KIRREL3: variants seen among roughly 807,000 people sequenced by gnomAD.
KIRREL3 encodes kirre like nephrin family adhesion molecule 3.
A neutral mutation model predicts 89.7 loss-of-function variants in KIRREL3; 36 were observed. That is an observed-to-expected ratio of 0.40 (90% CI 0.31 to 0.53). The LOEUF (loss-of-function observed/expected upper bound fraction) is 0.53, where lower values mean the gene tolerates loss of function less well. Ranked by LOEUF, KIRREL3 falls within the 20% of genes least tolerant of loss-of-function variation. The probability of loss-of-function intolerance (pLI) is 0.49; values close to 1 mark genes in which losing one functional copy is unlikely to be tolerated. For missense variants in KIRREL3, 864 were observed against 1,056.6 expected, an observed-to-expected ratio of 0.82 and a Z score of 2.53; for synonymous variants, 445 against 441.4, an observed-to-expected ratio of 1.01 and a Z score of -0.10.
At chr11:126,770,362 C>T (rs1348087428) in intron 1 of KIRREL3, among the ~76,000 whole-genome samples, 1 of 152,178 alleles carries the variant, frequency 6.6e-6, no homozygotes, top group Non-Finnish European at 1.5e-5. Flanking sequence ...CATCCCTGCC[C>T]GTCAGTCACT....
In KIRREL3 at chr11:126,528,080, C is replaced by T. The variant is rs367999823; in HGVS notation, c.134-1393G>A. 6.6e-5 allele frequency among the ~76,000 whole-genome samples: 10 copies of T among 152,338 alleles called. 1 individual carries two copies. Among genetic ancestry groups the T allele is most frequent in the African/African-American group, 2.2e-4 (9 of 41,566 alleles). ...AGGCACAGTAACCTGCCCAAGGTCACGCAGCTAATGAGTGTTAGAGCAGGG... is the reference window on the plus strand; with the variant it reads ...AGGCACAGTAACCTGCCCAAGGTCATGCAGCTAATGAGTGTTAGAGCAGGG... On this transcript the variant is annotated intron_variant, in intron 2 of 16. Transcript: ENST00000525144. This position sits in a 1 kb window ranked among gnomAD's most constrained non-coding sequence, Gnocchi z 4.6.
At chr11:126,951,058 T>A (rs1948760876) in intron 1 of KIRREL3, among the ~76,000 whole-genome samples, 2 of 152,220 alleles carry the variant, frequency 1.3e-5, no homozygotes, top group South Asian at 4.1e-4. Context: ...CCCAATCACA[T>A]CTTCCAAGCC....
rs145013921 is a variant in KIRREL3 at position 126,488,887 on chromosome 11, C to A, written c.434-15421G>T. 3.3e-4 allele frequency among the ~76,000 whole-genome samples: 50 copies of A among 152,358 alleles called. 1 individual carries two copies. Among genetic ancestry groups the A allele is most frequent in the African/African-American group, 1.0e-3 (43 of 41,586 alleles). ...GCCACCTTTGCAGCCTTACCCCGTG[C>A]CCGTCTCCAGCCAGGAAGACGGGAT... On this transcript the variant is annotated intron_variant, in intron 4 of 16. Transcript: ENST00000525144.
In KIRREL3 at chr11:126,475,675, G is replaced by A. The variant is rs973998760; in HGVS notation, c.434-2209C>T. ...CATGAATGGGATGGATGGAGAAGAC[G>A]ACCCCCCAGCCGCCCACCCCACACC... On this transcript the variant is annotated intron_variant, in intron 4 of 16. Coordinates refer to ENST00000525144, the MANE Select transcript of KIRREL3 (RefSeq NM_032531.4). This position sits in a 1 kb window ranked among gnomAD's most constrained non-coding sequence, Gnocchi z 7.5. Among the ~76,000 whole-genome samples, 1 of 152,136 alleles carries A rather than the reference G, an allele frequency of 6.6e-6. No homozygotes were observed. Among genetic ancestry groups the A allele is most frequent in the Non-Finnish European group, 1.5e-5 (1 of 68,028 alleles).
chr11:126,749,408 C>G (rs1231700345), intron 1 of KIRREL3, among the ~76,000 whole-genome samples: 1 of 152,146 alleles, frequency 6.6e-6, no homozygotes, highest in Admixed American at 6.6e-5. Context: ...TCAAGTTACC[C>G]CATTCCTCGG....
rs537003636 is a variant in KIRREL3 at position 126,923,522 on chromosome 11, C to A, written c.55+76933G>T. Among the ~76,000 whole-genome samples the A allele has an allele frequency of 4.0e-5, 6 of 148,268 alleles. No individual in the cohort carries two copies. The South Asian group carries it at 1.3e-3, about 32-fold the overall frequency. The stretch of plus-strand genomic sequence containing the variant: ...GCAGTGGTATGATCTCAGCTCACTG[C>A]AATCTCCACCTCCAGGGTTCAAGTG... On this transcript the variant is annotated intron_variant, in intron 1 of 16. Coordinates refer to ENST00000525144, the MANE Select transcript of KIRREL3 (RefSeq NM_032531.4).
At chr11:126,907,130 G>C (rs1946619543) in intron 1 of KIRREL3, among the ~76,000 whole-genome samples, 1 of 152,068 alleles carries the variant, frequency 6.6e-6, no homozygotes, top group Admixed American at 6.5e-5. Flanking sequence ...TTGAATTAAA[G>C]ACTTGGTTAA....
At chr11:126,583,846 C>T (rs986624341) in intron 1 of KIRREL3, among the ~76,000 whole-genome samples, 3 of 152,194 alleles carry the variant, frequency 2.0e-5, no homozygotes, top group Non-Finnish European at 4.4e-5. Flanking sequence ...TGACGGCAGG[C>T]CCGAGGCAGC....
In KIRREL3 at chr11:126,570,334, G is replaced by A. The variant is rs1940832032; in HGVS notation, c.56-7422C>T. The stretch of plus-strand genomic sequence containing the variant: ...ATTAGTTGTTTTAAACTATTGATTT[G>A]TATTTAATTAACTATGCTATTACAT... On this transcript the variant is annotated intron_variant, in intron 1 of 16. Coordinates refer to ENST00000525144, the MANE Select transcript of KIRREL3 (RefSeq NM_032531.4). The surrounding 1 kb of genome is among the most constrained non-coding windows in gnomAD (Gnocchi z 6.1). Among the ~76,000 whole-genome samples, 1 of 152,056 alleles carries A rather than the reference G, an allele frequency of 6.6e-6. No individual in the cohort carries two copies. The highest frequency in any genetic ancestry group is 1.5e-5 in the Non-Finnish European group (1 of 68,016).
intron 2 of KIRREL3, among the ~76,000 whole-genome samples, chr11:126,539,934 G>A (rs1358065437): frequency 6.6e-6 from 1 of 152,222 alleles, no homozygotes; most frequent in East Asian, 1.9e-4. Context: ...AGAGGGACAA[G>A]GTTACTCCAG....
chr11:126,476,359 C>G lies in KIRREL3; in HGVS notation c.434-2893G>C, dbSNP rs75805828. 2.6e-4 allele frequency among the ~76,000 whole-genome samples: 40 copies of G among 152,288 alleles called. 2 individuals carry two copies. In the East Asian group the frequency reaches 7.7e-3, roughly 29 times the overall value. ...TGAGGGGCAGGAGCCTCTGCTTGCTCTGAGCACAGTGCAGCCACCAAGGCC... is the reference window on the plus strand; with the variant it reads ...TGAGGGGCAGGAGCCTCTGCTTGCTGTGAGCACAGTGCAGCCACCAAGGCC... On this transcript the variant is annotated intron_variant, in intron 4 of 16. Coordinates refer to ENST00000525144, the MANE Select transcript of KIRREL3 (RefSeq NM_032531.4). This position sits in a 1 kb window ranked among gnomAD's most constrained non-coding sequence, Gnocchi z 6.4.
In KIRREL3 at chr11:126,990,412, GGC is replaced by G. The variant is rs1053729582; in HGVS notation, c.55+10041_55+10042del. Among the ~76,000 whole-genome samples, 1 of 151,794 alleles carries G rather than the reference GGC, an allele frequency of 6.6e-6. No individual in the cohort carries two copies. The highest frequency in any genetic ancestry group is 1.5e-5 in the Non-Finnish European group (1 of 68,024). ...TGTAACGTTGCCCTCACCACCCAGA[GGC>G]GAGGAGGAGAGCCCCCCATCCCTCC... On this transcript the variant is annotated intron_variant, in intron 1 of 16. Coordinates refer to ENST00000525144, the MANE Select transcript of KIRREL3 (RefSeq NM_032531.4). This position sits in a 1 kb window ranked among gnomAD's most constrained non-coding sequence, Gnocchi z 6.3.
intron 1 of KIRREL3, among the ~76,000 whole-genome samples, chr11:126,690,298 C>G (rs1447599571): frequency 6.6e-6 from 1 of 152,126 alleles, no homozygotes; most frequent in Non-Finnish European, 1.5e-5. Context: ...TTCTTTGAAG[C>G]CTAAATACTT....
At chr11:126,661,425 G>T (rs991047888) in intron 1 of KIRREL3, among the ~76,000 whole-genome samples, 2 of 152,302 alleles carry the variant, frequency 1.3e-5, no homozygotes, top group Admixed American at 6.5e-5. Flanking sequence ...TGAATCACCT[G>T]GGCTGAAGGA....
At position 126,607,197 on chromosome 11, in the gene KIRREL3, C is replaced by T. The variant is rs1226024058; in HGVS notation, c.56-44285G>A. ...TACCTGGGGGCTTCCACTCCCTAAACCCAGGGAAACGATGGAGTAGCTGAG... is the reference window on the plus strand; with the variant it reads ...TACCTGGGGGCTTCCACTCCCTAAATCCAGGGAAACGATGGAGTAGCTGAG... On this transcript the variant is annotated intron_variant, in intron 1 of 16. Coordinates refer to ENST00000525144, the MANE Select transcript of KIRREL3 (RefSeq NM_032531.4). The surrounding 1 kb of genome is among the most constrained non-coding windows in gnomAD (Gnocchi z 6.6). Among the ~76,000 whole-genome samples the T allele has an allele frequency of 2.0e-5, 3 of 152,174 alleles. No individual in the cohort carries two copies. The highest frequency in any genetic ancestry group is 4.4e-5 in the Non-Finnish European group (3 of 68,040).
At chr11:126,662,701 G>A (rs544480282) in intron 1 of KIRREL3, among the ~76,000 whole-genome samples, 15 of 152,274 alleles carry the variant, frequency 9.9e-5, no homozygotes, top group African/African-American at 3.4e-4. Flanking sequence ...TTTTGGAGGC[G>A]ATTAGGTTTC....
At position 126,528,149 on chromosome 11, in the gene KIRREL3, C is replaced by T. The variant is rs1024011656; in HGVS notation, c.134-1462G>A. 1.3e-5 allele frequency among the ~76,000 whole-genome samples: 2 copies of T among 152,174 alleles called. No individual in the cohort carries two copies. Among genetic ancestry groups the T allele is most frequent in the Non-Finnish European group, 2.9e-5 (2 of 68,024 alleles). ...CTGCATTCCAAGCCCTCCCTTTTTC[C>T]TACCTCCTGCTCTACAGACCCAGAC... On this transcript the variant is annotated intron_variant, in intron 2 of 16. Coordinates refer to ENST00000525144, the MANE Select transcript of KIRREL3 (RefSeq NM_032531.4). The surrounding 1 kb of genome is among the most constrained non-coding windows in gnomAD (Gnocchi z 4.6).
Position 126,562,764 on chromosome 11 carries a change from G to A in KIRREL3, c.133+71C>T. On this transcript the variant is annotated intron_variant, in intron 2 of 16. Transcript: ENST00000525144. The surrounding 1 kb of genome is among the most constrained non-coding windows in gnomAD (Gnocchi z 4.7). The stretch of plus-strand genomic sequence containing the variant: ...CCAGGTTCTTATTCCTGGTTCCTCT[G>A]TCCTGTGGCTGTAGGGGAGAGCTTC... The A allele has an allele frequency of 7.6e-7, 1 of 1,310,052 alleles. No homozygotes were observed. Among genetic ancestry groups the A allele is most frequent in the Non-Finnish European group, 1.1e-6 (1 of 905,746 alleles). The allele number at this position is 1,310,052 out of a possible 1,614,324, so 81.2% of individuals were successfully genotyped here.
chr11:126,955,063 T>C lies in KIRREL3; in HGVS notation c.55+45392A>G, dbSNP rs945588373. On this transcript the variant is annotated intron_variant, in intron 1 of 16. Coordinates refer to ENST00000525144, the MANE Select transcript of KIRREL3 (RefSeq NM_032531.4). The surrounding 1 kb of genome is among the most constrained non-coding windows in gnomAD (Gnocchi z 4.6). ...CCCTCTCTCTACACTGGCCTTGCTC[T>C]GATGATGTTTGTGCCCTGAAGGCCA... Among the ~76,000 whole-genome samples, 3 of 152,322 alleles carry C rather than the reference T, an allele frequency of 2.0e-5. No homozygotes were observed. In the East Asian group the frequency reaches 5.8e-4, roughly 29 times the overall value.
Sources: gnomAD v4.1 joint callset for allele counts (sites outside exome capture counted in the v4.1 genomes callset) on GRCh38, gnomAD v4.1.1 for gene constraint, Gnocchi (gnomAD v3.1) non-coding constraint, MANE v1.5 for transcripts, NCBI Gene and HGNC (gene_info 2026-07-23, HGNC 2026-07-21) for gene names.